CCDC39: variants seen among roughly 807,000 people sequenced by gnomAD.
CCDC39 encodes coiled-coil domain-containing protein 39.
A neutral mutation model predicts 121.0 loss-of-function variants in CCDC39; 113 were observed. The observed-to-expected ratio is 0.93, with a 90% CI of 0.80 to 1.09. CCDC39 has a LOEUF of 1.09. CCDC39 is among the 50% of genes least tolerant of loss of function. The pLI, the probability that CCDC39 is intolerant of heterozygous loss-of-function variation, is 0.00. For synonymous variants in CCDC39, 349 were observed against 352.2 expected (o/e 0.99, Z 0.10); for missense variants, 1,063 against 1,074.7 (o/e 0.99, Z 0.15).
chr3:180,670,635 T>C (rs1201984429), intron 1 of CCDC39, among the ~76,000 whole-genome samples: 12 of 141,926 alleles, frequency 8.5e-5, no homozygotes, highest in African/African-American at 2.0e-4. Flanking sequence ...TGCCTTTTTT[T>C]TCTCTTTTTT....
intron 1 of CCDC39, among the ~76,000 whole-genome samples, chr3:180,677,167 TTTATATATATATA>T (rs1712246703): frequency 5.5e-5 from 4 of 72,206 alleles, no homozygotes; most frequent in East Asian, 4.6e-4. Flanking sequence ...TAATAATAAT[TTTATATATATATA>T]TATATATATA....
At position 180,654,901 on chromosome 3, in the gene CCDC39, T is replaced by A; in HGVS notation, c.791A>T (p.Glu264Val). The stretch of plus-strand genomic sequence containing the variant: ...CTCACTTTCCAAAAACTTGATCTTT[T>A]CTTTAACCAAATTTTCTTTTTCTCT... The part of the protein sequence containing the change: ...ETREKENLVK[E>V]KIKFLESEIG... Residue 264 changes from glutamate to valine, a missense_variant, in exon 7 of 20, where the codon GAA becomes GTA. Coordinates refer to ENST00000476379, the MANE Select transcript of CCDC39 (RefSeq NM_181426.2). 1 of 1,591,178 alleles carries A rather than the reference T, an allele frequency of 6.3e-7. No homozygotes were observed. Among genetic ancestry groups the A allele is most frequent in the Non-Finnish European group, 8.5e-7 (1 of 1,172,006 alleles).
At chr3:180,651,833 C>A (rs536640329) in intron 8 of CCDC39, among the ~76,000 whole-genome samples, 2 of 152,068 alleles carry the variant, frequency 1.3e-5, no homozygotes, top group Non-Finnish European at 2.9e-5. Context: ...GTCAGGAGAT[C>A]AAGACCATCC....
rs761544439 is a variant in CCDC39, at chr3:180,644,162, G to C, written c.1623C>G (p.Asp541Glu). Residue 541 changes from aspartate (D) to glutamate (E), a missense_variant, in exon 12 of 20, where the codon GAC (aspartate) becomes GAG (glutamate). By Grantham distance (45) the Asp-to-Glu change is conservative. Coordinates refer to ENST00000476379, the MANE Select transcript of CCDC39 (RefSeq NM_181426.2). Reference sequence around the variant, plus strand: ...CTTTATCAAGTTCTTTCTCTGATCTGTCGATGAAAAGGTTTAGTTCATTTA... The same window carrying C: ...CTTTATCAAGTTCTTTCTCTGATCTCTCGATGAAAAGGTTTAGTTCATTTA... ...TKINELNLFIDRSEKELDKAK... is the reference protein window; with the variant it reads ...TKINELNLFIERSEKELDKAK... The C allele has an allele frequency of 8.4e-6, 13 of 1,544,642 alleles. No individual in the cohort carries two copies. In the South Asian group the frequency reaches 1.3e-4, roughly 16 times the overall value.
In CCDC39 at chr3:180,659,575, T is replaced by C. The variant is rs1711689081; in HGVS notation, c.615A>G (p.Glu205=). 2 of 1,612,022 alleles carry C rather than the reference T, an allele frequency of 1.2e-6. No individual in the cohort carries two copies. The highest frequency in any genetic ancestry group is 1.7e-6 in the Non-Finnish European group (2 of 1,179,078). Residue 205 remains glutamate (E), a synonymous_variant, in exon 6 of 20, where the codon GAA becomes GAG. Transcript: ENST00000476379. ...ELTETISAQL[E]LDKAAQDFRK... is the part of the protein sequence containing the mutation. The stretch of plus-strand genomic sequence containing the variant: ...GAAAATCTTGTGCTGCTTTATCCAA[T>C]TCTAACTGTCAAACAGAGAGCAAAG...
chr3:180,667,201 G>A (rs1397358398), intron 1 of CCDC39, among the ~76,000 whole-genome samples: 1 of 152,142 alleles, frequency 6.6e-6, no homozygotes, highest in Non-Finnish European at 1.5e-5. Context: ...TCAGATGTGA[G>A]TGTAAATAAA....
chr3:180,642,539 A>G (rs1717980618), intron 12 of CCDC39, among the ~76,000 whole-genome samples: 1 of 152,166 alleles, frequency 6.6e-6, no homozygotes, highest in Non-Finnish European at 1.5e-5. Flanking sequence ...ATCTCACAAA[A>G]TAATGTGGAA....
At chr3:180,651,881 C>CA (rs1334126570) in intron 8 of CCDC39, among the ~76,000 whole-genome samples, 18 of 151,968 alleles carry the variant, frequency 1.2e-4, no homozygotes, top group Admixed American at 2.0e-4. Context: ...AATAAAAATA[C>CA]AAAAAATTAG....
chr3:180,631,654 C>G, intron 13 of CCDC39, 62 bp from the exon 14 acceptor site: 2 of 1,397,596 alleles, frequency 1.4e-6, no homozygotes, highest in Admixed American at 2.3e-5. Flanking sequence ...AAAGGACTAT[C>G]AAGTGTTCTT....
At chr3:180,630,902 A>C (rs746771651) in intron 14 of CCDC39, among the ~76,000 whole-genome samples, 1 of 152,124 alleles carries the variant, frequency 6.6e-6, no homozygotes, top group Non-Finnish European at 1.5e-5. Context: ...TCTAATGGTA[A>C]ACTGGAGTTT....
chr3:180,632,125 C>A (rs1389672186), intron 13 of CCDC39, among the ~76,000 whole-genome samples: 3 of 152,114 alleles, frequency 2.0e-5, no homozygotes, highest in African/African-American at 7.2e-5. Flanking sequence ...GGGAAATAAG[C>A]AAACATGCCT....
chr3:180,653,689 G>T (rs557169573), intron 7 of CCDC39, among the ~76,000 whole-genome samples: 37 of 152,204 alleles, frequency 2.4e-4, no homozygotes, highest in Non-Finnish European at 4.6e-4. Flanking sequence ...ATTTAAAATT[G>T]TATCACAAAG....
At chr3:180,650,728 G>A (rs774788722) in intron 9 of CCDC39, among the ~76,000 whole-genome samples, 4 of 151,548 alleles carry the variant, frequency 2.6e-5, no homozygotes, top group South Asian at 2.1e-4. Flanking sequence ...GTGGTGGCAC[G>A]CGCCTGTAAT....
rs1371103473 is a variant in CCDC39, at chr3:180,659,508, C to A, written c.682G>T (p.Glu228Ter). 2 of 1,613,370 alleles carry A rather than the reference C, an allele frequency of 1.2e-6. No individual in the cohort carries two copies. Among genetic ancestry groups the A allele is most frequent in the Admixed American group, 1.7e-5 (1 of 59,988 alleles). ...TTCTGCATCTGTTCTATTGTGTTCT[C>A]CCATTGTTTAATGAGTTCTTGTCTT... The part of the protein sequence containing the change: ...NERQELIKQW[E>*]NTIEQMQKRD... Residue 228 changes from glutamate to a stop codon, truncating the protein, a stop_gained, in exon 6 of 20, where the codon GAG becomes TAG. Transcript: ENST00000476379. LOFTEE classifies it high-confidence loss of function.
intron 19 of CCDC39, 88 bp from the exon 20 acceptor site, chr3:180,615,165 C>G: frequency 1.0e-6 from 1 of 975,192 alleles, no homozygotes; most frequent in Non-Finnish European, 1.5e-6. Flanking sequence ...TACCATAATT[C>G]CATAAGTAAA....
chr3:180,635,673 TC>T (rs1186459868), intron 13 of CCDC39, among the ~76,000 whole-genome samples: 1 of 152,148 alleles, frequency 6.6e-6, no homozygotes, highest in Non-Finnish European at 1.5e-5. Context: ...TGGGGTGGGC[TC>T]CCAAGGCTTT....
intron 18 of CCDC39, 60 bp from the exon 19 acceptor site, chr3:180,616,423 T>C (rs1465177184): frequency 6.6e-7 from 1 of 1,520,232 alleles, no homozygotes. Flanking sequence ...AAGATAAATA[T>C]TTTTAATTAG....
chr3:180,642,288 G>A, intron 12 of CCDC39, 87 bp from the exon 13 acceptor site: 1 of 658,116 alleles, frequency 1.5e-6, no homozygotes, highest in East Asian at 3.0e-5. Flanking sequence ...AGTAAAACTT[G>A]AAAATATACC....
chr3:180,669,077 T>G (rs1179127600), intron 1 of CCDC39, among the ~76,000 whole-genome samples: 1 of 152,232 alleles, frequency 6.6e-6, no homozygotes, highest in African/African-American at 2.4e-5. Context: ...TAACTCTTTT[T>G]TCAAAACAAA....
Sources: gnomAD v4.1 joint callset for allele counts (sites outside exome capture counted in the v4.1 genomes callset) on GRCh38, gnomAD v4.1.1 for gene constraint, MANE v1.5 for transcripts, NCBI Gene and HGNC (gene_info 2026-07-23, HGNC 2026-07-21) for gene names.